The following AK5 variants were observed in gnomAD, a reference collection of about 807,000 sequenced individuals.
AK5 encodes the protein adenylate kinase isoenzyme 5.
Under a neutral mutation model 69.5 loss-of-function variants are expected in AK5, and 27 were observed. The ratio of observed to expected loss-of-function variants is 0.39; its 90% CI spans 0.29 to 0.54. The LOEUF (loss-of-function observed/expected upper bound fraction) is 0.54. Ranked by LOEUF, AK5 falls within the 20% of genes least tolerant of loss-of-function variation. AK5 has a pLI of 0.71. For synonymous variants in AK5, 260 were observed against 244.4 expected (o/e 1.06, Z -0.60); for missense variants, 531 against 700.4 (o/e 0.76, Z 2.73).
chr1:77,431,506 T>A (rs757760172), intron 8 of AK5, among the ~76,000 whole-genome samples: 1 of 152,090 alleles, frequency 6.6e-6, no homozygotes, highest in Non-Finnish European at 1.5e-5. Context: ...TGGCAGAGTA[T>A]AAGTGGTAAT....
intron 12 of AK5, among the ~76,000 whole-genome samples, chr1:77,532,810 G>A (rs921822193): frequency 2.5e-4 from 38 of 152,160 alleles, no homozygotes; most frequent in African/African-American, 8.9e-4. Flanking sequence ...GGTGATGTTG[G>A]GGGCAGGCCA....
chr1:77,439,124 A>G lies in AK5; in HGVS notation c.1059+21409A>G, dbSNP rs933598412. Among the ~76,000 whole-genome samples, 6 of 152,336 alleles carry G rather than the reference A, an allele frequency of 3.9e-5. No individual in the cohort carries two copies. In the East Asian group the frequency reaches 1.2e-3, roughly 29 times the overall value. ...AGATCTCACTTCTGACACCATTTAT[A>G]TAATCCTAAATAAGAGAGAGAGAGA... is the stretch of plus-strand genomic sequence containing the variant. On this transcript the variant is annotated intron_variant, in intron 8 of 13. Transcript: ENST00000354567.
intron 13 of AK5, among the ~76,000 whole-genome samples, chr1:77,536,701 G>A (rs1658989679): frequency 6.6e-6 from 1 of 152,208 alleles, no homozygotes; most frequent in Non-Finnish European, 1.5e-5. Context: ...ACTGACTCTG[G>A]ACTGTGAGAT....
At chr1:77,487,039 A>T (rs1655650100) in intron 10 of AK5, among the ~76,000 whole-genome samples, 2 of 152,236 alleles carry the variant, frequency 1.3e-5, no homozygotes, top group African/African-American at 2.4e-5. Context: ...CAATAGCCAG[A>T]TCCTGATTCT....
chr1:77,284,340 G>A (rs907608213), intron 1 of AK5, among the ~76,000 whole-genome samples: 1 of 152,150 alleles, frequency 6.6e-6, no homozygotes, highest in Non-Finnish European at 1.5e-5. Context: ...AATATTTTAG[G>A]TGTACAAAGT....
At chr1:77,407,336 C>T (rs771322833) in intron 6 of AK5, among the ~76,000 whole-genome samples, 18 of 152,010 alleles carry the variant, frequency 1.2e-4, no homozygotes, top group Non-Finnish European at 2.1e-4. Flanking sequence ...AAGGAATGAA[C>T]TAAGGATATA....
At chr1:77,340,961 T>C (rs1231821388) in intron 6 of AK5, 2 of 158,576 alleles carry the variant, frequency 1.3e-5, no homozygotes, top group African/African-American at 4.8e-5. Context: ...GATGTGGGGT[T>C]ATAATAGATT....
At chr1:77,422,216 T>A (rs1386506752) in intron 8 of AK5, among the ~76,000 whole-genome samples, 1 of 152,134 alleles carries the variant, frequency 6.6e-6, no homozygotes, top group Non-Finnish European at 1.5e-5. Context: ...CCACTGCCCA[T>A]GCTTTGGTTC....
intron 8 of AK5, among the ~76,000 whole-genome samples, chr1:77,446,908 T>A (rs560759037): frequency 1.3e-5 from 2 of 152,306 alleles, no homozygotes; most frequent in South Asian, 4.2e-4. Flanking sequence ...TTCCAATAGG[T>A]AAGTCGAGGG....
At chr1:77,526,620 C>T (rs549106495) in intron 12 of AK5, among the ~76,000 whole-genome samples, 13 of 151,618 alleles carry the variant, frequency 8.6e-5, no homozygotes, top group Admixed American at 3.9e-4. Flanking sequence ...GGACTACAGG[C>T]GCCCGCCACC....
intron 6 of AK5, among the ~76,000 whole-genome samples, chr1:77,403,537 C>A (rs1207589486): frequency 6.6e-6 from 1 of 152,176 alleles, no homozygotes; most frequent in Non-Finnish European, 1.5e-5. Context: ...TTCCCAGCAC[C>A]ATTTATTAAA....
Position 77,438,319 on chromosome 1 carries a change from A to AAAAAAAAAAAG in AK5, c.1059+20609_1059+20610insAAAAAGAAAAA, listed in dbSNP as rs1557593670. 1.1e-4 allele frequency among the ~76,000 whole-genome samples: 7 copies of AAAAAAAAAAAG among 61,246 alleles called. 1 individual carries two copies. The highest frequency in any genetic ancestry group is 1.5e-4 in the Non-Finnish European group (3 of 20,122). The allele number at this position is 61,246 out of a possible 152,430, so 40.2% of individuals were successfully genotyped here. On this transcript the variant is annotated intron_variant, in intron 8 of 13. Coordinates refer to ENST00000354567, the MANE Select transcript of AK5 (RefSeq NM_174858.3). ...CAAAAAAAAAAAAAAAAAAAAAAAA[A>AAAAAAAAAAAG]AAAAACAAGCTTGGGGAGTTCAAAT...
rs946277995 is a variant in AK5, at chr1:77,411,046, A to T, written c.957A>T (p.Leu319Phe). ...YDISMAVDNK[L>F]FPNKEAAAGS... ...TCAGCATGGCAGTTGACAACAAGTT[A>T]TTTCCAAACAAAGAGGCTGCAGCAG... The change falls in exon 7 of 14, where the codon TTA becomes TTT. Residue 319 changes from leucine to phenylalanine, a missense_variant. Coordinates refer to ENST00000354567, the MANE Select transcript of AK5 (RefSeq NM_174858.3). 6.2e-6 allele frequency: 10 copies of T among 1,613,790 alleles called. No homozygotes were observed. The highest frequency in any genetic ancestry group is 8.5e-6 in the Non-Finnish European group (10 of 1,179,886).
chr1:77,514,573 G>A (rs1427548572), intron 10 of AK5, among the ~76,000 whole-genome samples: 1 of 152,202 alleles, frequency 6.6e-6, no homozygotes, highest in Non-Finnish European at 1.5e-5. Context: ...GAAGAATCAA[G>A]CTATTGTGTA....
chr1:77,433,550 A>C (rs1485260166), intron 8 of AK5, among the ~76,000 whole-genome samples: 1 of 149,886 alleles, frequency 6.7e-6, no homozygotes, highest in Non-Finnish European at 1.5e-5. Flanking sequence ...CATAATAAAG[A>C]GAACAGATTC....
At chr1:77,482,991 TTAAAAAAAAAAAAAAAAAAAAAAAA>T (rs1655354886) in intron 8 of AK5, among the ~76,000 whole-genome samples, 1 of 90,020 alleles carries the variant, frequency 1.1e-5, no homozygotes, top group Non-Finnish European at 1.9e-5. Flanking sequence ...TTTTTGCACT[TTAAAAAAAAAAAAAAAAAAAAAAAA>T]AAAAAAAAAA....
chr1:77,476,316 G>C (rs1909204), intron 8 of AK5, among the ~76,000 whole-genome samples: 61,631 of 151,968 alleles, frequency 0.41, 13,180 homozygotes, highest in South Asian at 0.53. Flanking sequence ...TGAAAACATG[G>C]TTTAGAAAAG....
intron 13 of AK5, among the ~76,000 whole-genome samples, chr1:77,537,203 G>A (rs1557661721): frequency 6.6e-6 from 1 of 152,130 alleles, no homozygotes; most frequent in South Asian, 2.1e-4. Context: ...GTGGCCTGAG[G>A]AGGACTCGGC....
At chr1:77,344,313 A>G (rs977885244) in intron 6 of AK5, among the ~76,000 whole-genome samples, 7 of 152,376 alleles carry the variant, frequency 4.6e-5, no homozygotes, top group African/African-American at 1.7e-4. Flanking sequence ...AATAATATGA[A>G]ATCATAAGGC....
Sources: allele counts gnomAD v4.1 joint callset (sites outside exome capture counted in the v4.1 genomes callset), GRCh38; gene constraint gnomAD v4.1.1; transcripts MANE v1.5; gene names NCBI Gene and HGNC (gene_info 2026-07-23, HGNC 2026-07-21).